The following MCM9 variants were observed in gnomAD, a reference collection of about 807,000 sequenced individuals.
MCM9 encodes DNA helicase MCM9.
A neutral mutation model predicts 72.8 loss-of-function variants in MCM9; 55 were observed. The observed-to-expected ratio is 0.76, with a 90% CI of 0.61 to 0.95. The LOEUF (loss-of-function observed/expected upper bound fraction) is 0.95. MCM9 is among the 40% of genes least tolerant of loss of function. The pLI, the probability that MCM9 is intolerant of heterozygous loss-of-function variation, is 0.00. For synonymous variants in MCM9, 480 were observed against 503.4 expected, an observed-to-expected ratio of 0.95 and a Z score of 0.62; for missense variants, 1,279 against 1,377.0, an observed-to-expected ratio of 0.93 and a Z score of 1.13.
rs1020337244 is a variant in MCM9 at position 118,837,299 on chromosome 6, A to G, written c.1326-8049T>C. Among the ~76,000 whole-genome samples, 14 of 152,320 alleles carry G rather than the reference A, an allele frequency of 9.2e-5. No homozygotes were observed. In the South Asian group the frequency reaches 2.5e-3, roughly 27 times the overall value. On this transcript the variant is annotated intron_variant, in intron 9 of 13. Transcript: ENST00000619706. The stretch of plus-strand genomic sequence containing the variant: ...TTACTTCCAATTAATTATGTAGTCA[A>G]TTTTAGAATAAGTGCTATGTGGTGC...
chr6:118,932,721 A>G lies in MCM9; in HGVS notation c.-130T>C. The G allele has an allele frequency of 1.7e-6, 1 of 580,840 alleles. No homozygotes were observed. The highest frequency in any genetic ancestry group is 2.2e-6 in the Non-Finnish European group (1 of 460,028). The allele number at this position is 580,840 out of a possible 1,614,324, so 36.0% of individuals were successfully genotyped here. ...TTCTCTTTCTTACCGTAGGAAATCT[A>G]CTGGGTTCTGCAGAAACAGCTGTCA... On this transcript the variant is annotated 5_prime_UTR_variant, in exon 2 of 14. Coordinates refer to ENST00000619706, the MANE Select transcript of MCM9 (RefSeq NM_017696.3).
rs146558734 is a variant in MCM9 at position 118,923,971 on chromosome 6, A to G, written c.461T>C (p.Phe154Ser). The G allele has an allele frequency of 1.1e-5, 18 of 1,614,116 alleles. No individual in the cohort carries two copies. In the African/African-American group the frequency reaches 2.1e-4, roughly 19 times the overall value. Residue 154 changes from phenylalanine (F) to serine (S), a missense_variant, in exon 4 of 14, where the codon TTT becomes TCT. By Grantham distance (155) the Phe-to-Ser change is radical. Transcript: ENST00000619706. The stretch of plus-strand genomic sequence containing the variant: ...CTGCTCAAAGTCAGCCTTGATCACA[A>G]ACACATGCTTGCATTTGTTACACAT... Reference protein sequence around the residue: ...DYMCNKCKHVFVIKADFEQYY... With the variant: ...DYMCNKCKHVSVIKADFEQYY...
At chr6:118,900,854 C>T (rs376486285) in intron 8 of MCM9, 43 of 1,612,750 alleles carry the variant, frequency 2.7e-5, no homozygotes, top group Non-Finnish European at 3.5e-5. Context: ...GTCCTGTTCC[C>T]GCAGGAAGGC....
intron 9 of MCM9, among the ~76,000 whole-genome samples, chr6:118,840,627 T>TA (rs529789223): frequency 1.8e-3 from 279 of 152,130 alleles, no homozygotes; most frequent in Middle Eastern, 0.01. Context: ...GCATTTTTTT[T>TA]AAAAAACCCA....
intron 9 of MCM9, among the ~76,000 whole-genome samples, chr6:118,843,702 A>ACG (rs1562407263): frequency 8.9e-5 from 4 of 44,786 alleles, no homozygotes; most frequent in African/African-American, 1.9e-4. Context: ...ATATATATAT[A>ACG]TGTATGTATA....
In MCM9 at chr6:118,829,246, C is replaced by G. The variant is rs757364893; in HGVS notation, c.1330G>C (p.Val444Leu). 2.0e-5 allele frequency: 31 copies of G among 1,548,038 alleles called. No individual in the cohort carries two copies. In the East Asian group the frequency reaches 7.1e-4, roughly 35 times the overall value. Residue 444 changes from valine (V) to leucine (L), a missense_variant, in exon 10 of 14, where the codon GTG (valine) becomes CTG (leucine). By Grantham distance (32) the Val-to-Leu change is conservative. Transcript: ENST00000619706. Reference sequence around the variant, plus strand: ...GTGGTCCTTGTGTTCAGCTTGCACACGAGGCTGCCAGGAGAGACAGTACAA... The same window carrying G: ...GTGGTCCTTGTGTTCAGCTTGCACAGGAGGCTGCCAGGAGAGACAGTACAA... Reference protein sequence around the residue: ...QTISVAKAGLVCKLNTRTTIL... With the variant: ...QTISVAKAGLLCKLNTRTTIL...
At chr6:118,888,328 T>C (rs1201693836) in intron 8 of MCM9, among the ~76,000 whole-genome samples, 1 of 151,850 alleles carries the variant, frequency 6.6e-6, no homozygotes, top group Admixed American at 6.6e-5. Flanking sequence ...CTACTAAAAA[T>C]ACAAAAAAAT....
intron 8 of MCM9, among the ~76,000 whole-genome samples, chr6:118,857,815 G>T (rs1051542163): frequency 6.6e-6 from 1 of 151,908 alleles, no homozygotes; most frequent in African/African-American, 2.4e-5. Flanking sequence ...ATCTAAAAAG[G>T]AACAGATAAC....
chr6:118,823,930 C>T (rs912846395), intron 13 of MCM9, among the ~76,000 whole-genome samples: 2 of 149,426 alleles, frequency 1.3e-5, no homozygotes, highest in Non-Finnish European at 3.0e-5. Flanking sequence ...AAAATAAAAA[C>T]ATGCATTACC....
At chr6:118,922,625 T>C (rs1244006165) in intron 4 of MCM9, among the ~76,000 whole-genome samples, 1 of 152,180 alleles carries the variant, frequency 6.6e-6, no homozygotes, top group Non-Finnish European at 1.5e-5. Context: ...AGTGGAGAAT[T>C]GGTTAGGTGG....
chr6:118,828,430 GGCTGGA>G (rs1037470769), intron 10 of MCM9, among the ~76,000 whole-genome samples: 7 of 151,470 alleles, frequency 4.6e-5, no homozygotes, highest in South Asian at 2.1e-4. Context: ...CTGTCACCCA[GGCTGGA>G]GCGCAGTAGC....
In MCM9 at chr6:118,842,540, CAG is replaced by C. The variant is rs546269573; in HGVS notation, c.1326-13292_1326-13291del. 1.8e-3 allele frequency among the ~76,000 whole-genome samples: 279 copies of C among 152,276 alleles called. 1 individual carries two copies. Among genetic ancestry groups the C allele is most frequent in the South Asian group, 0.01 (50 of 4,824 alleles). Reference sequence around the variant, plus strand: ...CTGACACCCTTTCTGCCCCCAGAGGCAGAGAGTTTCACTCTGTCGCCCAGGCT... The same window carrying C: ...CTGACACCCTTTCTGCCCCCAGAGGCAGAGTTTCACTCTGTCGCCCAGGCT... On this transcript the variant is annotated intron_variant, in intron 9 of 13. Transcript: ENST00000619706.
At chr6:118,881,006 A>G (rs1465682672) in intron 8 of MCM9, among the ~76,000 whole-genome samples, 5 of 152,202 alleles carry the variant, frequency 3.3e-5, no homozygotes, top group Non-Finnish European at 5.9e-5. Flanking sequence ...CACAGAGATT[A>G]ACAAAAAATA....
chr6:118,888,544 A>G (rs552855999), intron 8 of MCM9, among the ~76,000 whole-genome samples: 12 of 152,316 alleles, frequency 7.9e-5, no homozygotes, highest in Admixed American at 7.8e-4. Context: ...AGGAGTTACA[A>G]TATCTTACCC....
intron 9 of MCM9, among the ~76,000 whole-genome samples, chr6:118,839,910 A>C (rs1775234745): frequency 6.6e-6 from 1 of 152,172 alleles, no homozygotes; most frequent in Non-Finnish European, 1.5e-5. Context: ...TCAGGGACCC[A>C]CTTGAGGAGG....
chr6:118,860,311 A>G (rs1477131320), intron 8 of MCM9, among the ~76,000 whole-genome samples: 1 of 152,230 alleles, frequency 6.6e-6, no homozygotes, highest in African/African-American at 2.4e-5. Context: ...AAGAAATACT[A>G]GAGATCAAAA....
intron 8 of MCM9, among the ~76,000 whole-genome samples, chr6:118,858,875 A>G (rs926189966): frequency 1.3e-5 from 2 of 152,222 alleles, no homozygotes; most frequent in African/African-American, 4.8e-5. Context: ...CTGTAGTTAA[A>G]TGCAATTACA....
At chr6:118,894,181 C>G (rs1222174175) in intron 8 of MCM9, 1 of 1,296,764 alleles carries the variant, frequency 7.7e-7, no homozygotes, top group Admixed American at 3.5e-5. Flanking sequence ...TCGAGGGCAA[C>G]GCTGCTACTT....
intron 3 of MCM9, among the ~76,000 whole-genome samples, chr6:118,928,003 T>G (rs1782040963): frequency 6.6e-6 from 1 of 152,186 alleles, no homozygotes; most frequent in Non-Finnish European, 1.5e-5. Context: ...TGGCTTCCTG[T>G]TCTATCAAGA....
Sources: gnomAD v4.1 joint callset for allele counts (sites outside exome capture counted in the v4.1 genomes callset) on GRCh38, gnomAD v4.1.1 for gene constraint, MANE v1.5 for transcripts, NCBI Gene and HGNC (gene_info 2026-07-23, HGNC 2026-07-21) for gene names.